Variants in EDA observed in about 807,000 individuals in gnomAD.
The protein encoded by EDA is ectodysplasin-A.
EDA carries 2 observed loss-of-function variants against 23.6 expected under a neutral mutation model. The ratio of observed to expected loss-of-function variants is 0.08; its 90% CI spans 0.03 to 0.27. EDA has a LOEUF of 0.27. EDA is among the 10% of genes least tolerant of loss of function. The pLI, the probability that EDA is intolerant of heterozygous loss-of-function variation, is 1.00. For missense variants in EDA, 229 were observed against 324.2 expected (o/e 0.71, Z 2.26); for synonymous variants, 131 against 132.0 (o/e 0.99, Z 0.05).
intron 1 of EDA, among the ~76,000 whole-genome samples, chrX:69,743,506 T>C (rs2013523294): frequency 8.9e-6 from 1 of 111,880 alleles, no homozygotes. Context: ...ATTAGGTACA[T>C]AGAGCTGATT....
At chrX:69,930,010 C>T (rs749576818) in intron 1 of EDA, among the ~76,000 whole-genome samples, 2 of 111,058 alleles carry the variant, frequency 1.8e-5, no homozygotes, top group Admixed American at 9.7e-5. Flanking sequence ...TCTGCGGCTC[C>T]GTAGACTTTC....
intron 1 of EDA, among the ~76,000 whole-genome samples, chrX:69,755,035 A>T (rs1290709392): frequency 8.9e-6 from 1 of 111,968 alleles, no homozygotes; most frequent in Non-Finnish European, 1.9e-5. Flanking sequence ...GTTGTTACTG[A>T]TCATCTGAAG....
chrX:70,005,919 A>G (rs1316474044), intron 2 of EDA, among the ~76,000 whole-genome samples: 1 of 112,123 alleles, frequency 8.9e-6, no homozygotes, highest in South Asian at 3.7e-4. Context: ...TCTTTTTACT[A>G]TCTCTGTAGT....
rs181085844 is a variant in EDA, at chrX:70,026,566, A to T, written c.527-1291A>T. Among the ~76,000 whole-genome samples the T allele has an allele frequency of 3.6e-5, 4 of 111,650 alleles. No homozygotes were observed. The East Asian group carries it at 1.1e-3, about 31-fold the overall frequency. ...TTTCTTTTCATATATAAGGATTATTATGTATATGTATATTCTTCTCTGTCT... is the reference window on the plus strand; with the variant it reads ...TTTCTTTTCATATATAAGGATTATTTTGTATATGTATATTCTTCTCTGTCT... On this transcript the variant is annotated intron_variant, in intron 3 of 7. Transcript: ENST00000374552.
intron 1 of EDA, among the ~76,000 whole-genome samples, chrX:69,906,397 G>A (rs2018177317): frequency 8.9e-6 from 1 of 112,150 alleles, no homozygotes; most frequent in African/African-American, 3.2e-5. Context: ...TTGAGCACAA[G>A]GACAAAAAGA....
intron 3 of EDA, 82 bp downstream of exon 3, chrX:70,023,323 GTATTA>G: frequency 1.6e-6 from 1 of 622,586 alleles, no homozygotes; most frequent in Admixed American, 2.7e-5. Context: ...TGCGATTTTT[GTATTA>G]TATTCTTTCA....
At chrX:69,651,925 G>T (rs951373087) in intron 1 of EDA, among the ~76,000 whole-genome samples, 1 of 110,546 alleles carries the variant, frequency 9.0e-6, no homozygotes, top group Non-Finnish European at 1.9e-5. Flanking sequence ...GATGAATTTG[G>T]TGGTGGGAAG....
intron 1 of EDA, among the ~76,000 whole-genome samples, chrX:69,772,281 C>A (rs754002249): frequency 5.4e-5 from 6 of 111,327 alleles, no homozygotes; most frequent in African/African-American, 2.0e-4. Flanking sequence ...TTTTATGTGT[C>A]AGTTAATATT....
chrX:69,919,367 GA>G (rs1249244536), intron 1 of EDA, among the ~76,000 whole-genome samples: 4 of 112,159 alleles, frequency 3.6e-5, no homozygotes, highest in Non-Finnish European at 7.5e-5. Flanking sequence ...GGGAAACTCA[GA>G]ACCATGAGAC....
chrX:70,012,361 C>T (rs975657726), intron 2 of EDA, among the ~76,000 whole-genome samples: 6 of 111,952 alleles, frequency 5.4e-5, no homozygotes, highest in Non-Finnish European at 1.1e-4. Context: ...TCAAGATGCT[C>T]GCGTCTAGTA....
At chrX:69,905,942 G>A (rs1365163033) in intron 1 of EDA, among the ~76,000 whole-genome samples, 3 of 111,268 alleles carry the variant, frequency 2.7e-5, no homozygotes, top group Non-Finnish European at 5.7e-5. Flanking sequence ...TTTACTGACT[G>A]AATTAAATAG....
intron 1 of EDA, among the ~76,000 whole-genome samples, chrX:69,863,434 C>A (rs1009533735): frequency 9.8e-6 from 1 of 101,814 alleles, no homozygotes; most frequent in Non-Finnish European, 2.0e-5. Flanking sequence ...TAAACAACAG[C>A]CAAACAGAAA....
At chrX:69,976,407 C>T (rs184218946) in intron 2 of EDA, among the ~76,000 whole-genome samples, 4 of 111,497 alleles carry the variant, frequency 3.6e-5, no homozygotes, top group East Asian at 5.7e-4. Context: ...AGTCCTCTAT[C>T]GTTAGCTGGA....
At chrX:69,704,080 C>G (rs1462748539) in intron 1 of EDA, among the ~76,000 whole-genome samples, 1 of 111,652 alleles carries the variant, frequency 9.0e-6, no homozygotes, top group Non-Finnish European at 1.9e-5. Flanking sequence ...ATATGAATGA[C>G]CAATGGCCTG....
At chrX:69,862,467 C>T (rs1464962520) in intron 1 of EDA, among the ~76,000 whole-genome samples, 2 of 111,576 alleles carry the variant, frequency 1.8e-5, no homozygotes, top group African/African-American at 3.3e-5. Context: ...TTTCTTGAGA[C>T]AGAGTCTCAC....
At chrX:69,735,692 C>A (rs1452983008) in intron 1 of EDA, among the ~76,000 whole-genome samples, 1 of 111,055 alleles carries the variant, frequency 9.0e-6, no homozygotes, top group African/African-American at 3.3e-5. Context: ...TATTCATGAA[C>A]CCACTCTTGA....
At chrX:69,661,026 A>G (rs1408382253) in intron 1 of EDA, among the ~76,000 whole-genome samples, 1 of 110,521 alleles carries the variant, frequency 9.0e-6, no homozygotes, top group African/African-American at 3.3e-5. Context: ...TGACTTTTTA[A>G]TGATCGCCAC....
chrX:69,804,553 G>A (rs1352763814), intron 1 of EDA, among the ~76,000 whole-genome samples: 3 of 110,548 alleles, frequency 2.7e-5, no homozygotes, highest in African/African-American at 9.8e-5. Flanking sequence ...TATTGGTAGT[G>A]TTAGGTTACA....
At chrX:69,923,890 T>C (rs1003228919) in intron 1 of EDA, among the ~76,000 whole-genome samples, 3 of 112,090 alleles carry the variant, frequency 2.7e-5, no homozygotes, top group South Asian at 3.7e-4. Context: ...CGTATCTCAT[T>C]GTGGTTTTAA....
Sources: gnomAD v4.1 joint callset for allele counts (sites outside exome capture counted in the v4.1 genomes callset) on GRCh38, gnomAD v4.1.1 for gene constraint, MANE v1.5 for transcripts, NCBI Gene and HGNC (gene_info 2026-07-23, HGNC 2026-07-21) for gene names.